Variants in ELN observed in about 807,000 individuals in gnomAD.
The protein encoded by ELN is elastin.
A neutral mutation model predicts 105.8 loss-of-function variants in ELN; 65 were observed. That is an observed-to-expected ratio of 0.61 (90% confidence interval 0.50 to 0.75). The LOEUF is 0.75. Among genes scored for constraint, ELN ranks in the 30% least tolerant of loss-of-function variants. The pLI is 0.00. For synonymous variants in ELN, 368 were observed against 389.2 expected (o/e 0.95, Z 0.64); for missense variants, 882 against 969.4 (o/e 0.91, Z 1.20).
chr7:74,042,313 A>G (rs570133165), intron 5 of ELN, among the ~76,000 whole-genome samples: 1 of 151,922 alleles, frequency 6.6e-6, no homozygotes, highest in South Asian at 2.1e-4. Flanking sequence ...CTGTAGTTCC[A>G]CCTACTTGGA....
At chr7:74,052,968 C>A in intron 17 of ELN, 195 bp from the exon 18 acceptor site, 1 of 675,428 alleles carries the variant, frequency 1.5e-6, no homozygotes. Flanking sequence ...CTCACTGATT[C>A]AAATCCTAGA....
Position 74,028,279 on chromosome 7 carries a change from C to A in ELN, c.82+10C>A. 6.2e-7 allele frequency: 1 copy of A among 1,603,708 alleles called. No individual in the cohort carries two copies. Reference sequence around the variant, plus strand: ...CCCTCTCGGCCTGGAGGTAAGGACCCCTCGCCCCTGTCCCCAGCGCTGCCC... The same window carrying A: ...CCCTCTCGGCCTGGAGGTAAGGACCACTCGCCCCTGTCCCCAGCGCTGCCC... On this transcript the variant is annotated intron_variant, in intron 1 of 32. Coordinates refer to ENST00000252034, the MANE Select transcript of ELN (RefSeq NM_000501.4).
chr7:74,044,001 T>A, intron 9 of ELN, 81 bp downstream of exon 9: 1 of 1,556,032 alleles, frequency 6.4e-7, no homozygotes, highest in Non-Finnish European at 8.8e-7. Context: ...ATCCCATTGC[T>A]TTGGGAGACT....
intron 12 of ELN, among the ~76,000 whole-genome samples, chr7:74,047,058 T>G (rs564983211): frequency 1.4e-4 from 21 of 151,828 alleles, no homozygotes; most frequent in Admixed American, 1.4e-3. Flanking sequence ...CACTCCAGCC[T>G]GGGTAACAGA....
intron 19 of ELN, among the ~76,000 whole-genome samples, chr7:74,055,039 C>T (rs1240182881): frequency 1.3e-5 from 2 of 152,246 alleles, no homozygotes; most frequent in Non-Finnish European, 2.9e-5. Context: ...TCAGAGGAGC[C>T]CAAAACTGCC....
chr7:74,063,521 C>T lies in ELN; in HGVS notation c.1919-100C>T. On this transcript the variant is annotated intron_variant, in intron 28 of 32. Coordinates refer to ENST00000252034, the MANE Select transcript of ELN (RefSeq NM_000501.4). The surrounding 1 kb of genome is among the most constrained non-coding windows in gnomAD (Gnocchi z 4.1). ...ATCGAAGGCCAGGGGAGACCTCAGG[C>T]TCCACCTGTGTCCCCAGAGGACACC... 1 of 1,610,034 alleles carries T rather than the reference C, an allele frequency of 6.2e-7. No homozygotes were observed. Among genetic ancestry groups the T allele is most frequent in the Non-Finnish European group, 8.5e-7 (1 of 1,177,852 alleles).
intron 15 of ELN, among the ~76,000 whole-genome samples, chr7:74,050,605 G>GCATTCATTCATTCATT (rs111893691): frequency 1.3e-5 from 2 of 150,744 alleles, no homozygotes; most frequent in Middle Eastern, 3.4e-3. Flanking sequence ...ATTCACCCAT[G>GCATTCATTCATTCATT]CATTCATTCA....
In ELN at chr7:74,069,790, G is replaced by GA. The variant is rs1238977888; in HGVS notation, c.*1096dup. The GA allele has an allele frequency of 6.3e-5, 14 of 221,314 alleles. No individual in the cohort carries two copies. Among genetic ancestry groups the GA allele is most frequent in the African/African-American group, 3.2e-4 (14 of 44,434 alleles). 13.7% of individuals were successfully genotyped at this position (221,314 alleles called of 1,614,324 possible). On this transcript the variant is annotated 3_prime_UTR_variant, in exon 33 of 33. Coordinates refer to ENST00000252034, the MANE Select transcript of ELN (RefSeq NM_000501.4). ...GATCCGGGGAGCTGTATCCCCAGTA[G>GA]AAAAAACATTTTAATCACTCTAATA...
At chr7:74,052,033 C>G (rs1554676507) in intron 17 of ELN, 50 bp downstream of exon 17, 2 of 1,604,606 alleles carry the variant, frequency 1.2e-6, no homozygotes, top group South Asian at 1.1e-5. Context: ...CCTGCATAGA[C>G]CTCGGAGACC....
chr7:74,034,192 C>T (rs1451816872), intron 1 of ELN, among the ~76,000 whole-genome samples: 3 of 152,228 alleles, frequency 2.0e-5, no homozygotes, highest in Admixed American at 6.5e-5. Context: ...GCTGACCTCA[C>T]GCCGTCCTAT....
intron 32 of ELN, among the ~76,000 whole-genome samples, chr7:74,068,085 G>T (rs1798373912): frequency 6.6e-6 from 1 of 152,146 alleles, no homozygotes; most frequent in Non-Finnish European, 1.5e-5. Flanking sequence ...AGACAATGGT[G>T]CCTTACCTAA....
chr7:74,063,473 A>ACACCTC lies in ELN; in HGVS notation c.1918+106_1918+111dup. 6.3e-7 allele frequency: 1 copy of ACACCTC among 1,596,194 alleles called. No individual in the cohort carries two copies. Among genetic ancestry groups the ACACCTC allele is most frequent in the South Asian group, 1.1e-5 (1 of 89,666 alleles). On this transcript the variant is annotated intron_variant, in intron 28 of 32. Transcript: ENST00000252034. This position sits in a 1 kb window ranked among gnomAD's most constrained non-coding sequence, Gnocchi z 4.1. ...TGTAGACTCAGAGTCCCTGCCCCAGACACCTCCTGGCTCCACTGTGCCATC... is the reference window on the plus strand; with the variant it reads ...TGTAGACTCAGAGTCCCTGCCCCAGACACCTCCACCTCCTGGCTCCACTGTGCCATC...
intron 19 of ELN, among the ~76,000 whole-genome samples, chr7:74,055,699 C>T (rs913201267): frequency 6.6e-6 from 1 of 151,818 alleles, no homozygotes; most frequent in Non-Finnish European, 1.5e-5. Flanking sequence ...AGGCTGGTCT[C>T]GAACTCCTGG....
chr7:74,034,443 C>T lies in ELN; in HGVS notation c.83-921C>T, dbSNP rs76438495. ...CATACTCTAAGGACTGGCAGCAGGG[C>T]GCAGGGGCCTGTCATCCTAGCACTT... On this transcript the variant is annotated intron_variant, in intron 1 of 32. Transcript: ENST00000252034. Among the ~76,000 whole-genome samples the T allele has an allele frequency of 2.2e-3, 334 of 152,222 alleles. 1 individual carries two copies. The highest frequency in any genetic ancestry group is 7.0e-3 in the East Asian group (36 of 5,174).
chr7:74,050,524 T>A (rs1373980136), intron 15 of ELN, among the ~76,000 whole-genome samples: 1 of 151,364 alleles, frequency 6.6e-6, no homozygotes. Flanking sequence ...CATGCACCCA[T>A]CCATCCATTT....
intron 21 of ELN, chr7:74,057,320 C>G: frequency 7.4e-7 from 1 of 1,355,458 alleles, no homozygotes. Flanking sequence ...TCCCACCCAC[C>G]CTTGCTCCCC....
At chr7:74,054,855 A>G (rs1482302010) in intron 19 of ELN, 86 bp downstream of exon 19, 1 of 1,492,368 alleles carries the variant, frequency 6.7e-7, no homozygotes, top group Non-Finnish European at 9.3e-7. Context: ...TTGCCCAGAG[A>G]AGGGAAGTGA....
chr7:74,059,847 C>A, intron 22 of ELN, 39 bp from the exon 23 acceptor site: 1 of 938,772 alleles, frequency 1.1e-6, no homozygotes, highest in Non-Finnish European at 1.8e-6. Flanking sequence ...CCTCTTTGAT[C>A]AGGTCTTGGT....
At chr7:74,068,074 T>C (rs1438233427) in intron 32 of ELN, among the ~76,000 whole-genome samples, 1 of 151,530 alleles carries the variant, frequency 6.6e-6, no homozygotes, top group African/African-American at 2.4e-5. Flanking sequence ...GCCGCGCTAC[T>C]AGACAATGGT....
Sources: gnomAD v4.1 joint callset for allele counts (sites outside exome capture counted in the v4.1 genomes callset) on GRCh38, gnomAD v4.1.1 for gene constraint, Gnocchi (gnomAD v3.1) non-coding constraint, MANE v1.5 for transcripts, NCBI Gene and HGNC (gene_info 2026-07-23, HGNC 2026-07-21) for gene names.